Variants in TMEM117 observed in about 807,000 individuals in gnomAD.
TMEM117 encodes the protein transmembrane protein 117.
In TMEM117, 27 loss-of-function variants were observed where a neutral mutation model predicts 52.4. That is an observed-to-expected ratio of 0.51 (90% CI 0.38 to 0.71). The LOEUF is 0.71. Among genes scored for constraint, TMEM117 ranks in the 30% least tolerant of loss-of-function variants. The probability of loss-of-function intolerance (pLI) is 0.00; values close to 1 mark genes in which losing one functional copy is unlikely to be tolerated. For missense variants in TMEM117, 556 were observed against 630.5 expected (o/e 0.88, Z 1.26); for synonymous variants, 215 against 206.3 (o/e 1.04, Z -0.36).
At chr12:44,102,761 C>T (rs1379942078) in intron 3 of TMEM117, among the ~76,000 whole-genome samples, 1 of 151,954 alleles carries the variant, frequency 6.6e-6, no homozygotes, top group African/African-American at 2.4e-5. Flanking sequence ...TGTGTCCCCA[C>T]CCAAATCTCA....
At chr12:44,213,649 AC>A (rs902039048) in intron 5 of TMEM117, among the ~76,000 whole-genome samples, 26 of 152,016 alleles carry the variant, frequency 1.7e-4, no homozygotes, top group African/African-American at 6.3e-4. Context: ...GGGGGCGGTC[AC>A]CCCCTTGCTG....
the TMEM117 span, chr12:43,798,591 T>A: frequency 2.0e-6 from 3 of 1,518,914 alleles, no homozygotes; most frequent in Non-Finnish European, 8.8e-7. Context: ...GGGCTCTGAT[T>A]GCAAGAAATA....
chr12:44,053,461 C>A (rs147305016), intron 3 of TMEM117, among the ~76,000 whole-genome samples: 3 of 152,190 alleles, frequency 2.0e-5, no homozygotes, highest in African/African-American at 7.2e-5. Flanking sequence ...GCTCTCCAAG[C>A]CTTATTGCTG....
Position 43,844,944 on chromosome 12 carries a change from C to T in TMEM117, c.277+16C>T, listed in dbSNP as rs1385437557. On this transcript the variant is annotated intron_variant, in intron 2 of 7. Transcript: ENST00000266534. ...CGTTTGTTTGGTAAGTACCATGACC[C>T]ATGAAATGTAATATCACTAATTATT... The T allele has an allele frequency of 1.9e-6, 3 of 1,588,722 alleles. No homozygotes were observed. The highest frequency in any genetic ancestry group is 2.6e-6 in the Non-Finnish European group (3 of 1,172,214).
chr12:44,108,094 C>G (rs1220323706), intron 3 of TMEM117, among the ~76,000 whole-genome samples: 7 of 152,116 alleles, frequency 4.6e-5, no homozygotes, highest in Non-Finnish European at 7.4e-5. Context: ...TTCCACAGAT[C>G]TGTTGACATT....
rs1183632184 is a variant in TMEM117 at position 43,916,844 on chromosome 12, GATCT to G, written c.278-27364_278-27361del. ...TCTGATTTCTTGTTGGCGTGAAGTA[GATCT>G]AGGCTTCTTTTCTGATGTTAACAAT... is the stretch of plus-strand genomic sequence containing the variant. On this transcript the variant is annotated intron_variant, in intron 2 of 7. Transcript: ENST00000266534. 5.3e-5 allele frequency among the ~76,000 whole-genome samples: 8 copies of G among 152,236 alleles called. No individual in the cohort carries two copies. The East Asian group carries it at 1.5e-3, about 29-fold the overall frequency.
intron 5 of TMEM117, among the ~76,000 whole-genome samples, chr12:44,257,994 G>C (rs1267247553): frequency 6.6e-6 from 1 of 151,858 alleles, no homozygotes; most frequent in Non-Finnish European, 1.5e-5. Context: ...AATAGATTAG[G>C]AAACCTGGAG....
At chr12:44,156,457 T>C (rs1948827153) in intron 4 of TMEM117, among the ~76,000 whole-genome samples, 1 of 152,094 alleles carries the variant, frequency 6.6e-6, no homozygotes, top group African/African-American at 2.4e-5. Context: ...GTCTGCATAC[T>C]GGAATCACCT....
At chr12:44,240,672 T>A (rs963364016) in intron 5 of TMEM117, among the ~76,000 whole-genome samples, 1 of 152,090 alleles carries the variant, frequency 6.6e-6, no homozygotes, top group African/African-American at 2.4e-5. Flanking sequence ...TGGGAGTATA[T>A]CATAGAGACT....
At chr12:44,345,572 TGATTTG>T (rs968390492) in intron 6 of TMEM117, among the ~76,000 whole-genome samples, 1 of 152,134 alleles carries the variant, frequency 6.6e-6, no homozygotes, top group Non-Finnish European at 1.5e-5. Context: ...AGATCCCAAA[TGATTTG>T]GATCTGTTAT....
chr12:44,370,665 G>A (rs996408893), intron 6 of TMEM117, among the ~76,000 whole-genome samples: 1 of 151,958 alleles, frequency 6.6e-6, no homozygotes, highest in Non-Finnish European at 1.5e-5. Context: ...CTACAGGCAT[G>A]AGCCACCATG....
chr12:43,827,126 G>T, the TMEM117 span, among the ~76,000 whole-genome samples: 1 of 151,590 alleles, frequency 6.6e-6, no homozygotes. Flanking sequence ...TAGCAAGGAG[G>T]TCACTTAATT....
chr12:44,347,200 A>G (rs925152814), intron 6 of TMEM117, among the ~76,000 whole-genome samples: 1 of 152,042 alleles, frequency 6.6e-6, no homozygotes, highest in African/African-American at 2.4e-5. Context: ...AGTTTTCTAG[A>G]TTAAAAGTTT....
chr12:44,097,553 A>T (rs1305037264), intron 3 of TMEM117, among the ~76,000 whole-genome samples: 1 of 152,084 alleles, frequency 6.6e-6, no homozygotes, highest in African/African-American at 2.4e-5. Flanking sequence ...TGATGAGTTC[A>T]TGTTCTTTGT....
intron 2 of TMEM117, among the ~76,000 whole-genome samples, chr12:43,862,462 A>G (rs1447191022): frequency 6.6e-6 from 1 of 152,234 alleles, no homozygotes; most frequent in Non-Finnish European, 1.5e-5. Context: ...CAGAAAATAA[A>G]TGTTTATTGT....
At chr12:44,034,473 AAT>A (rs1327978934) in intron 3 of TMEM117, among the ~76,000 whole-genome samples, 2 of 152,206 alleles carry the variant, frequency 1.3e-5, no homozygotes, top group African/African-American at 4.8e-5. Flanking sequence ...AATAGATTAA[AAT>A]ATATGTGTGA....
intron 2 of TMEM117, among the ~76,000 whole-genome samples, chr12:43,897,753 C>T (rs538963018): frequency 5.3e-4 from 78 of 147,796 alleles, no homozygotes; most frequent in African/African-American, 1.7e-3. Context: ...ACCACAGGCG[C>T]GTGCCACCAT....
chr12:43,906,185 T>G (rs1282803431), intron 2 of TMEM117, among the ~76,000 whole-genome samples: 1 of 152,180 alleles, frequency 6.6e-6, no homozygotes, highest in Non-Finnish European at 1.5e-5. Flanking sequence ...GAATGATACC[T>G]AGTGCTATGG....
intron 6 of TMEM117, among the ~76,000 whole-genome samples, chr12:44,366,647 G>T (rs1010084415): frequency 6.6e-6 from 1 of 152,032 alleles, no homozygotes; most frequent in Non-Finnish European, 1.5e-5. Context: ...CAAATCCATT[G>T]CTCTAAAGGT....
Sources: gnomAD v4.1 joint callset for allele counts (sites outside exome capture counted in the v4.1 genomes callset) on GRCh38, gnomAD v4.1.1 for gene constraint, MANE v1.5 for transcripts, NCBI Gene and HGNC (gene_info 2026-07-23, HGNC 2026-07-21) for gene names.